The following ACSM4 variants were observed in gnomAD, a reference collection of about 807,000 sequenced individuals.
ACSM4 encodes the protein acyl-CoA synthetase medium chain family member 4.
A neutral mutation model predicts 73.0 loss-of-function variants in ACSM4; 66 were observed. The ratio of observed to expected loss-of-function variants is 0.90; its 90% CI spans 0.74 to 1.11. The LOEUF (loss-of-function observed/expected upper bound fraction) is 1.11, where lower values mean the gene tolerates loss of function less well. ACSM4 is among the 50% of genes least tolerant of loss of function. ACSM4 has a pLI of 0.00. For missense variants in ACSM4, 645 were observed against 714.4 expected (o/e 0.90, Z 1.11); for synonymous variants, 222 against 254.0 (o/e 0.87, Z 1.20).
chr12:7,322,162 T>C (rs1037041047), intron 6 of ACSM4, among the ~76,000 whole-genome samples: 2 of 152,186 alleles, frequency 1.3e-5, no homozygotes, highest in Non-Finnish European at 2.9e-5. Flanking sequence ...CCTTTTTACA[T>C]CTTTAATAGC....
At chr12:7,310,995 G>A (rs777087602) in intron 3 of ACSM4, among the ~76,000 whole-genome samples, 6 of 151,816 alleles carry the variant, frequency 4.0e-5, no homozygotes, top group Non-Finnish European at 4.4e-5. Context: ...GTGAAACCCC[G>A]TCTCTACTAA....
In ACSM4 at chr12:7,317,247, G is replaced by GCA; in HGVS notation, c.732_733dup (p.Ser245ThrfsTer17). The GCA allele has an allele frequency of 6.3e-7, 1 of 1,589,996 alleles. No individual in the cohort carries two copies. Among genetic ancestry groups the GCA allele is most frequent in the South Asian group, 1.1e-5 (1 of 87,314 alleles). ...CCTAAAATGGCCCAGCACTCTCAGA[G>GCA]CAGCCTCGGCATTGGGTTCACCCTC... On this transcript the variant is annotated frameshift_variant, in exon 4 of 13. Transcript: ENST00000399422. LOFTEE classifies it high-confidence loss of function.
intron 7 of ACSM4, 110 bp from the exon 8 acceptor site, chr12:7,323,124 G>A (rs985570530): frequency 2.4e-5 from 23 of 955,340 alleles, no homozygotes; most frequent in African/African-American, 8.3e-5. Flanking sequence ...CAGAAGGTGC[G>A]CCTGCATACC....
rs1305861069 is a variant in ACSM4 at position 7,318,193 on chromosome 12, T to C, written c.921+11T>C. The C allele has an allele frequency of 4.3e-6, 7 of 1,612,366 alleles. No individual in the cohort carries two copies. The highest frequency in any genetic ancestry group is 5.9e-6 in the Non-Finnish European group (7 of 1,179,582). On this transcript the variant is annotated intron_variant, in intron 5 of 12. Transcript: ENST00000399422. Reference sequence around the variant, plus strand: ...GACACCTTCCTAGACGTAAGTCATGTCCTCCAGCTAGATAGATCTTTAGAG... The same window carrying C: ...GACACCTTCCTAGACGTAAGTCATGCCCTCCAGCTAGATAGATCTTTAGAG...
chr12:7,320,226 T>C (rs1004569634), intron 5 of ACSM4, among the ~76,000 whole-genome samples: 2 of 152,152 alleles, frequency 1.3e-5, no homozygotes, highest in African/African-American at 4.8e-5. Context: ...CTCAGCAAAT[T>C]TTTAAAAATT....
Position 7,320,823 on chromosome 12 carries a change from C to A in ACSM4, c.1001+19C>A. ...TTAAGAGGTACTTGGGCAGAAATCTCCATTTGAACCACAAACAATAGCTAC... is the reference window on the plus strand; with the variant it reads ...TTAAGAGGTACTTGGGCAGAAATCTACATTTGAACCACAAACAATAGCTAC... On this transcript the variant is annotated intron_variant, in intron 6 of 12. Transcript: ENST00000399422. The A allele has an allele frequency of 1.3e-6, 2 of 1,575,490 alleles. No individual in the cohort carries two copies. The highest frequency in any genetic ancestry group is 1.7e-6 in the Non-Finnish European group (2 of 1,145,768).
chr12:7,318,257 C>T (rs1946436102), intron 5 of ACSM4, 75 bp downstream of exon 5: 1 of 1,550,332 alleles, frequency 6.5e-7, no homozygotes, highest in Non-Finnish European at 8.8e-7. Context: ...AGAAATTATT[C>T]CTTAGAATAC....
chr12:7,310,671 G>A lies in ACSM4; in HGVS notation c.545G>A (p.Cys182Tyr), dbSNP rs144033408. 2.1e-5 allele frequency: 34 copies of A among 1,613,548 alleles called. No homozygotes were observed. The African/African-American group carries it at 2.8e-4, about 13-fold the overall frequency. Residue 182 changes from cysteine (C) to tyrosine (Y), a missense_variant, in exon 3 of 13, where the codon TGT (cysteine) becomes TAT (tyrosine). Coordinates refer to ENST00000399422, the MANE Select transcript of ACSM4 (RefSeq NM_001080454.2). Reference sequence around the variant, plus strand: ...GCGGTGGAGTCCATTGTATTGGAGTGTCCTGACCTTAAGACAAAACTCCTG... The same window carrying A: ...GCGGTGGAGTCCATTGTATTGGAGTATCCTGACCTTAAGACAAAACTCCTG... Reference protein sequence around the residue: ...APAVESIVLECPDLKTKLLVS... With the variant: ...APAVESIVLEYPDLKTKLLVS...
At chr12:7,318,241 T>A (rs1591844201) in intron 5 of ACSM4, 59 bp downstream of exon 5, 1 of 1,578,664 alleles carries the variant, frequency 6.3e-7, no homozygotes, top group Non-Finnish European at 8.6e-7. Flanking sequence ...TCCCATAAAA[T>A]CACAAAGAAA....
Position 7,322,541 on chromosome 12 carries a change from G to T in ACSM4, c.1125G>T (p.Val375=). 1 of 1,612,794 alleles carries T rather than the reference G, an allele frequency of 6.2e-7. No individual in the cohort carries two copies. The highest frequency in any genetic ancestry group is 1.7e-5 in the Admixed American group (1 of 59,790). The change falls in exon 7 of 13, where the codon GTG becomes GTT. Residue 375 remains valine (V), a splice_region_variant and synonymous_variant. Coordinates refer to ENST00000399422, the MANE Select transcript of ACSM4 (RefSeq NM_001080454.2). ...ATGAGGGCTATGGACAGACGGAAGTGGTATATCTAAAGGGCATTTATGTTT... is the reference window on the plus strand; with the variant it reads ...ATGAGGGCTATGGACAGACGGAAGTTGTATATCTAAAGGGCATTTATGTTT... ...ELYEGYGQTE[V]GMICANQKGQ... is the part of the protein sequence containing the mutation.
At chr12:7,311,723 C>T (rs765917476) in intron 3 of ACSM4, among the ~76,000 whole-genome samples, 1 of 152,222 alleles carries the variant, frequency 6.6e-6, no homozygotes, top group South Asian at 2.1e-4. Flanking sequence ...CAGGGTCTCA[C>T]TTTGTCACCC....
intron 3 of ACSM4, among the ~76,000 whole-genome samples, chr12:7,313,446 A>G (rs1383247065): frequency 1.3e-5 from 2 of 152,220 alleles, no homozygotes; most frequent in Non-Finnish European, 2.9e-5. Context: ...GACTACACAC[A>G]GCAATAATGT....
chr12:7,321,640 A>G (rs1348925399), intron 6 of ACSM4, among the ~76,000 whole-genome samples: 1 of 152,222 alleles, frequency 6.6e-6, no homozygotes, highest in Admixed American at 6.5e-5. Flanking sequence ...TTTGTATTCT[A>G]CCCACACCCT....
intron 12 of ACSM4, 59 bp downstream of exon 12, chr12:7,327,154 A>G: frequency 6.7e-7 from 1 of 1,491,250 alleles, no homozygotes; most frequent in Non-Finnish European, 9.0e-7. Flanking sequence ...CTAAGCTAGA[A>G]TTAGATTTTA....
In ACSM4 at chr12:7,310,747, G is replaced by A. The variant is rs769042659; in HGVS notation, c.620+1G>A. 3.7e-6 allele frequency: 6 copies of A among 1,607,620 alleles called. No homozygotes were observed. In the African/African-American group the frequency reaches 6.8e-5, roughly 18 times the overall value. ...GGCTCAGCTTCCAGGAGTTATTTCA[G>A]TGAGTATTTTTCCCAGCCAATCTAC... On this transcript the variant is annotated splice_donor_variant, in intron 3 of 12. Transcript: ENST00000399422. LOFTEE classifies it high-confidence loss of function.
intron 5 of ACSM4, chr12:7,318,459 T>G (rs1946437139): frequency 5.7e-6 from 2 of 353,412 alleles, no homozygotes; most frequent in Admixed American, 4.4e-5. Flanking sequence ...AAGAAACTGG[T>G]TCTAAATAAC....
Position 7,324,383 on chromosome 12 carries a change from T to A in ACSM4, c.1419T>A (p.Asp473Glu), listed in dbSNP as rs1293872765. The change falls in exon 10 of 13, where the codon GAT becomes GAA. Residue 473 changes from aspartate (D) to glutamate (E), a missense_variant. Physicochemically the swap from Asp to Glu is conservative, Grantham distance 45. Coordinates refer to ENST00000399422, the MANE Select transcript of ACSM4 (RefSeq NM_001080454.2). ...TCTGGTTTGTCGGCAGAGCTGATGA[T>A]GTCATTATATCCTCTGGGTTTGTAT... ...GYFWFVGRAD[D>E]VIISSGYRIG... The A allele has an allele frequency of 6.2e-7, 1 of 1,614,118 alleles. No homozygotes were observed. The highest frequency in any genetic ancestry group is 1.1e-5 in the South Asian group (1 of 91,078).
intron 3 of ACSM4, among the ~76,000 whole-genome samples, chr12:7,310,955 C>A (rs1280308035): frequency 1.3e-5 from 2 of 152,072 alleles, no homozygotes; most frequent in African/African-American, 4.8e-5. Context: ...CACTTGAGGT[C>A]AGGAGTTTGA....
At chr12:7,314,885 G>A (rs1946410749) in intron 3 of ACSM4, among the ~76,000 whole-genome samples, 1 of 152,128 alleles carries the variant, frequency 6.6e-6, no homozygotes, top group Non-Finnish European at 1.5e-5. Context: ...AATATTTTAT[G>A]AAACTATTTT....
Sources: allele counts gnomAD v4.1 joint callset (sites outside exome capture counted in the v4.1 genomes callset), GRCh38; gene constraint gnomAD v4.1.1; transcripts MANE v1.5; gene names NCBI Gene and HGNC (gene_info 2026-07-23, HGNC 2026-07-21).